The following NSUN6 variants were observed in gnomAD, a reference collection of about 807,000 sequenced individuals.
The protein encoded by NSUN6 is tRNA (cytosine(72)-C(5))-methyltransferase NSUN6.
In NSUN6, 64 loss-of-function variants were observed where a neutral mutation model predicts 58.0. The observed-to-expected ratio is 1.10, with a 90% CI of 0.90 to 1.36. The LOEUF (loss-of-function observed/expected upper bound fraction) is 1.36. Among genes scored for constraint, NSUN6 ranks in the 40% most tolerant of loss-of-function variants. The pLI, the probability that NSUN6 is intolerant of heterozygous loss-of-function variation, is 0.00. For synonymous variants in NSUN6, 231 were observed against 193.9 expected, an observed-to-expected ratio of 1.19 and a Z score of -1.59; for missense variants, 701 against 550.1, an observed-to-expected ratio of 1.27 and a Z score of -2.74.
intron 8 of NSUN6, among the ~76,000 whole-genome samples, chr10:18,581,818 C>T (rs1469456564): frequency 1.3e-5 from 2 of 150,822 alleles, no homozygotes; most frequent in East Asian, 1.9e-4. Context: ...GAGTGAGATT[C>T]CATCTCAAAA....
chr10:18,577,931 G>A (rs969743225), intron 8 of NSUN6, among the ~76,000 whole-genome samples: 2 of 152,176 alleles, frequency 1.3e-5, no homozygotes, highest in African/African-American at 4.8e-5. Flanking sequence ...ACAGCAGCAG[G>A]AGCCATACGC....
intron 8 of NSUN6, among the ~76,000 whole-genome samples, chr10:18,561,092 G>A (rs1026262944): frequency 2.0e-5 from 3 of 146,880 alleles, no homozygotes; most frequent in African/African-American, 7.5e-5. Flanking sequence ...ATGGAGAATG[G>A]AATGGAATGG....
At chr10:18,583,478 A>G (rs2056994752) in intron 8 of NSUN6, among the ~76,000 whole-genome samples, 1 of 152,208 alleles carries the variant, frequency 6.6e-6, no homozygotes, top group Admixed American at 6.5e-5. Flanking sequence ...TATGCAAAGA[A>G]AAAGGAAAAT....
At chr10:18,550,353 G>A (rs1392559587) in intron 9 of NSUN6, among the ~76,000 whole-genome samples, 1 of 152,142 alleles carries the variant, frequency 6.6e-6, no homozygotes, top group Non-Finnish European at 1.5e-5. Context: ...CACAACCAGT[G>A]CTACCTTTGT....
At chr10:18,569,303 C>T (rs1041099614) in intron 8 of NSUN6, among the ~76,000 whole-genome samples, 3 of 151,018 alleles carry the variant, frequency 2.0e-5, no homozygotes, top group Non-Finnish European at 3.0e-5. Flanking sequence ...CATTCCATTC[C>T]ATTCTCCACT....
chr10:18,623,701 C>G (rs1275019667), intron 3 of NSUN6, among the ~76,000 whole-genome samples: 2 of 152,074 alleles, frequency 1.3e-5, no homozygotes, highest in African/African-American at 4.8e-5. Context: ...AAAAAGCAGC[C>G]CAGGAAAGAG....
In NSUN6 at chr10:18,548,220, C is replaced by T; in HGVS notation, c.1089G>A (p.Lys363=). 1 of 1,613,008 alleles carries T rather than the reference C, an allele frequency of 6.2e-7. No homozygotes were observed. Among genetic ancestry groups the T allele is most frequent in the Admixed American group, 1.7e-5 (1 of 59,926 alleles). ...TGCTATAAACCAGCACACCCTCTGG[C>T]TTCAGCAGCTGAACCGCCTAAAGAA... The part of the protein sequence containing the change: ...KLFTAAVQLL[K]PEGVLVYSTC... The change falls in exon 10 of 11, where the codon AAG becomes AAA. Residue 363 remains lysine (K), a synonymous_variant. Transcript: ENST00000377304.
At chr10:18,616,008 T>C (rs778055412) in intron 4 of NSUN6, among the ~76,000 whole-genome samples, 176 bp downstream of exon 4, 6 of 151,898 alleles carry the variant, frequency 4.0e-5, no homozygotes, top group Non-Finnish European at 8.8e-5. Context: ...CAGAAAACCT[T>C]ATATGATGAC....
intron 8 of NSUN6, among the ~76,000 whole-genome samples, chr10:18,553,487 T>C (rs941564569): frequency 1.5e-5 from 2 of 135,032 alleles, no homozygotes; most frequent in Admixed American, 1.4e-4. Flanking sequence ...GAGAATGGAA[T>C]GGAATGGAGA....
intron 8 of NSUN6, among the ~76,000 whole-genome samples, chr10:18,556,566 T>G (rs918455946): frequency 4.1e-5 from 6 of 146,118 alleles, no homozygotes; most frequent in Non-Finnish European, 7.6e-5. Context: ...GAATGGAATG[T>G]TATGGAATGG....
chr10:18,581,650 C>T (rs184307359), intron 8 of NSUN6, among the ~76,000 whole-genome samples: 1 of 152,214 alleles, frequency 6.6e-6, no homozygotes, highest in Non-Finnish European at 1.5e-5. Context: ...CATGGTGAAA[C>T]CCCGTCTCCA....
upstream of NSUN6, chr10:18,655,181 A>G: frequency 7.2e-6 from 7 of 977,962 alleles, no homozygotes; most frequent in Non-Finnish European, 8.5e-6. Context: ...CCCACCTAAG[A>G]AAGGAACAAA....
intron 3 of NSUN6, among the ~76,000 whole-genome samples, chr10:18,630,455 T>C (rs543877443): frequency 1.8e-4 from 27 of 152,176 alleles, no homozygotes; most frequent in Middle Eastern, 3.4e-3. Flanking sequence ...AAAAAATCAA[T>C]GAATCCAGGA....
chr10:18,644,192 C>A (rs977208428), intron 2 of NSUN6, among the ~76,000 whole-genome samples: 1 of 152,230 alleles, frequency 6.6e-6, no homozygotes, highest in African/African-American at 2.4e-5. Flanking sequence ...CAACCACTAT[C>A]TTTCTTTCTC....
At chr10:18,613,496 C>G (rs1179637504) in intron 5 of NSUN6, among the ~76,000 whole-genome samples, 7 of 152,160 alleles carry the variant, frequency 4.6e-5, no homozygotes, top group Non-Finnish European at 8.8e-5. Flanking sequence ...ACTGGAACAA[C>G]ATCAAATAAC....
chr10:18,570,544 C>T (rs149897188), intron 8 of NSUN6, among the ~76,000 whole-genome samples: 13 of 135,202 alleles, frequency 9.6e-5, no homozygotes, highest in East Asian at 4.1e-4. Context: ...CATTCCATTC[C>T]GCTCTTTTCC....
Position 18,548,266 on chromosome 10 carries a change from C to T in NSUN6, c.1072-29G>A, listed in dbSNP as rs201848732. The T allele has an allele frequency of 6.3e-6, 10 of 1,586,730 alleles. No individual in the cohort carries two copies. The East Asian group carries it at 1.8e-4, about 29-fold the overall frequency. On this transcript the variant is annotated intron_variant, in intron 9 of 10. Transcript: ENST00000377304. ...AAGAAAACTGTGATCAGACCACACA[C>T]AGCACAAGACCAGATAAACATATGA...
intron 8 of NSUN6, among the ~76,000 whole-genome samples, chr10:18,562,376 TGGA>T (rs1197294156): frequency 2.2e-5 from 3 of 139,214 alleles, no homozygotes; most frequent in Non-Finnish European, 4.6e-5. Flanking sequence ...TGAAGAAGAA[TGGA>T]GGATAGAATA....
At chr10:18,615,128 T>TATATATATATATATATACAC (rs562207637) in intron 4 of NSUN6, among the ~76,000 whole-genome samples, 1 of 148,002 alleles carries the variant, frequency 6.8e-6, no homozygotes, top group African/African-American at 2.5e-5. Flanking sequence ...TATATATATA[T>TATATATATATATATATACAC]ACACACACAT....
Sources: allele counts gnomAD v4.1 joint callset (sites outside exome capture counted in the v4.1 genomes callset), GRCh38; gene constraint gnomAD v4.1.1; transcripts MANE v1.5; gene names NCBI Gene and HGNC (gene_info 2026-07-23, HGNC 2026-07-21).